The following SCHIP1 variants were observed in gnomAD, a reference collection of about 807,000 sequenced individuals.
SCHIP1 encodes the protein schwannomin-interacting protein 1.
In SCHIP1, 8 loss-of-function variants were observed where a neutral mutation model predicts 29.7. The ratio of observed to expected loss-of-function variants is 0.27; its 90% CI spans 0.16 to 0.49. SCHIP1 has a LOEUF of 0.49. Ranked by LOEUF, SCHIP1 falls within the 20% of genes least tolerant of loss-of-function variation. The pLI is 0.99. For missense variants in SCHIP1, 193 were observed against 294.6 expected, an observed-to-expected ratio of 0.66 and a Z score of 2.52; for synonymous variants, 76 against 94.9, an observed-to-expected ratio of 0.80 and a Z score of 1.16.
chr3:159,635,146 T>A, the SCHIP1 span, among the ~76,000 whole-genome samples: 1 of 152,210 alleles, frequency 6.6e-6, no homozygotes, highest in South Asian at 2.1e-4. Context: ...TTGAAATCCA[T>A]CTGGAGGCTG....
At chr3:159,826,627 A>G in the SCHIP1 span, among the ~76,000 whole-genome samples, 3 of 152,164 alleles carry the variant, frequency 2.0e-5, no homozygotes, top group Admixed American at 6.5e-5. Context: ...AACCAACCCT[A>G]AAGTCCCTTA....
At chr3:159,887,768 G>C (rs767905107) in exon 4 of SCHIP1, 15 of 1,613,942 alleles carry the variant, frequency 9.3e-6, no homozygotes, top group Non-Finnish European at 1.3e-5. Flanking sequence ...TGAATCCTTG[G>C]ATGACATGGA....
At chr3:159,851,966 G>A (rs1202517827) in intron 1 of SCHIP1, among the ~76,000 whole-genome samples, 2 of 152,254 alleles carry the variant, frequency 1.3e-5, no homozygotes, top group Non-Finnish European at 2.9e-5. Flanking sequence ...GTGGGGCAAT[G>A]AGAATGGAGT....
the SCHIP1 span, chr3:159,765,428 A>C: frequency 8.4e-6 from 3 of 355,822 alleles, no homozygotes; most frequent in East Asian, 1.5e-4. Flanking sequence ...TTACTTATGG[A>C]GACCAGGTTG....
chr3:159,632,475 C>T, the SCHIP1 span, among the ~76,000 whole-genome samples: 115 of 152,226 alleles, frequency 7.6e-4, no homozygotes, highest in African/African-American at 2.6e-3. Context: ...CTGTGTAGGA[C>T]CAAACATCAG....
the SCHIP1 span, among the ~76,000 whole-genome samples, chr3:159,678,716 T>C: frequency 6.6e-6 from 1 of 152,168 alleles, no homozygotes; most frequent in Non-Finnish European, 1.5e-5. Context: ...GCCTGAGTAA[T>C]TTATAAAGGA....
the SCHIP1 span, among the ~76,000 whole-genome samples, chr3:159,366,229 G>A: frequency 1.1e-4 from 16 of 152,228 alleles, 1 homozygote; most frequent in African/African-American, 3.9e-4. Context: ...ACCAGATCTG[G>A]TATGAACTCA....
At chr3:159,828,379 A>ACG in the SCHIP1 span, among the ~76,000 whole-genome samples, 6,297 of 81,894 alleles carry the variant, frequency 0.077, 433 homozygotes, top group Non-Finnish European at 0.094. Context: ...ATATATACAT[A>ACG]TATATATACA....
chr3:159,432,501 G>C, the SCHIP1 span, among the ~76,000 whole-genome samples: 2 of 152,098 alleles, frequency 1.3e-5, no homozygotes, highest in East Asian at 3.9e-4. Context: ...ACACACTCAA[G>C]TGAAAGGGAA....
At chr3:159,680,679 T>TAA in the SCHIP1 span, among the ~76,000 whole-genome samples, 305 of 77,524 alleles carry the variant, frequency 3.9e-3, 13 homozygotes, top group African/African-American at 0.019. Flanking sequence ...ATTATATATA[T>TAA]AATATATGTA....
At chr3:159,511,236 C>T in the SCHIP1 span, among the ~76,000 whole-genome samples, 13 of 152,318 alleles carry the variant, frequency 8.5e-5, no homozygotes, top group South Asian at 4.1e-4. Flanking sequence ...TAGCAATGAG[C>T]GAGGCTCCAT....
chr3:159,836,336 C>T (rs1463043432), upstream of SCHIP1, among the ~76,000 whole-genome samples: 1 of 152,160 alleles, frequency 6.6e-6, no homozygotes, highest in Non-Finnish European at 1.5e-5. Flanking sequence ...GGCAAGGTAG[C>T]TCTCTTGGGC....
intron 2 of SCHIP1, among the ~76,000 whole-genome samples, chr3:159,883,527 G>C (rs996822614): frequency 6.6e-6 from 1 of 152,064 alleles, no homozygotes; most frequent in African/African-American, 2.4e-5. Flanking sequence ...CAGGCTGCTT[G>C]GGAGCTGTGG....
At chr3:159,584,865 T>C in the SCHIP1 span, among the ~76,000 whole-genome samples, 2 of 152,000 alleles carry the variant, frequency 1.3e-5, no homozygotes, top group African/African-American at 4.8e-5. Context: ...CCACTCCCTG[T>C]CTCACTCAGC....
rs188786383 is a variant in SCHIP1 at position 159,846,689 on chromosome 3, A to G, written c.30+6475A>G. 9.3e-4 allele frequency among the ~76,000 whole-genome samples: 142 copies of G among 152,294 alleles called. 4 individuals carry two copies. In the East Asian group the frequency reaches 0.018, roughly 20 times the overall value. On this transcript the variant is annotated intron_variant, in intron 1 of 6. Coordinates refer to ENST00000445224, the Ensembl canonical transcript of SCHIP1. ...GTTCAATGAGACAATTTTCTGTTTT[A>G]TTCTATAGATTTTTTTGATGGGGAA...
the SCHIP1 span, among the ~76,000 whole-genome samples, chr3:159,445,475 C>A: frequency 4.6e-5 from 7 of 151,806 alleles, no homozygotes; most frequent in Admixed American, 6.6e-5. Context: ...GTGGCGATTC[C>A]TCAGGGATCT....
At chr3:159,759,281 T>C in the SCHIP1 span, among the ~76,000 whole-genome samples, 4 of 152,300 alleles carry the variant, frequency 2.6e-5, no homozygotes, top group African/African-American at 7.2e-5. Flanking sequence ...GATTAACCCA[T>C]TGGCTCTACA....
the SCHIP1 span, among the ~76,000 whole-genome samples, chr3:159,468,737 A>ATAATATAATATATATATATAT: frequency 4.5e-5 from 6 of 132,996 alleles, no homozygotes; most frequent in Non-Finnish European, 9.8e-5. Context: ...TATATAATAT[A>ATAATATAATATATATATATAT]ATATATAATA....
intron 1 of SCHIP1, among the ~76,000 whole-genome samples, chr3:159,849,907 A>G (rs1284204250): frequency 2.0e-5 from 3 of 152,200 alleles, no homozygotes; most frequent in Non-Finnish European, 4.4e-5. Flanking sequence ...TACTTAGTCA[A>G]CAGCTCTTCA....
Sources: allele counts gnomAD v4.1 joint callset (sites outside exome capture counted in the v4.1 genomes callset), GRCh38; gene constraint gnomAD v4.1.1; transcripts MANE v1.5; gene names NCBI Gene and HGNC (gene_info 2026-07-23, HGNC 2026-07-21).